Variants in CHEK1 observed in about 807,000 individuals in gnomAD.
The protein encoded by CHEK1 is serine/threonine-protein kinase Chk1.
Under a neutral mutation model 60.2 loss-of-function variants are expected in CHEK1, and 32 were observed. The ratio of observed to expected loss-of-function variants is 0.53; its 90% CI spans 0.40 to 0.71. The LOEUF (loss-of-function observed/expected upper bound fraction) is 0.71. CHEK1 is among the 30% of genes least tolerant of loss of function. The pLI is 0.00. For synonymous variants in CHEK1, 179 were observed against 187.2 expected (o/e 0.96, Z 0.36); for missense variants, 399 against 564.6 (o/e 0.71, Z 2.97).
downstream of CHEK1, among the ~76,000 whole-genome samples, chr11:125,657,726 C>T (rs1365775017): frequency 6.6e-6 from 1 of 152,076 alleles, no homozygotes; most frequent in African/African-American, 2.4e-5. Context: ...ACTAACTATT[C>T]TGCTGCTAAT....
rs1194524971 is a variant in CHEK1, at chr11:125,655,605, C to T, written c.*285C>T. 1 of 274,852 alleles carries T rather than the reference C, an allele frequency of 3.6e-6. No individual in the cohort carries two copies. The highest frequency in any genetic ancestry group is 5.5e-5 in the East Asian group (1 of 18,174). 17.0% of individuals were successfully genotyped at this position (274,852 alleles called of 1,614,324 possible). On this transcript the variant is annotated 3_prime_UTR_variant, in exon 13 of 13. Transcript: ENST00000438015. ...GAATTTGAAACTCATCTGGTGGAAA[C>T]CAAGTTTCAGGGGACATGAGTTTTC... is the stretch of plus-strand genomic sequence containing the variant.
downstream of CHEK1, chr11:125,677,900 G>A (rs524491): frequency 1.9e-5 from 31 of 1,613,650 alleles, no homozygotes; most frequent in East Asian, 5.1e-4. Context: ...GCTGTTCACC[G>A]GAGCCATGTT....
intron 1 of CHEK1, chr11:125,626,411 C>A: frequency 2.3e-6 from 1 of 434,748 alleles, no homozygotes; most frequent in Non-Finnish European, 4.1e-6. Flanking sequence ...TTCCTCTCTT[C>A]CCCAGACCCC....
downstream of CHEK1, chr11:125,680,988 G>T: frequency 2.0e-6 from 1 of 505,616 alleles, no homozygotes; most frequent in Non-Finnish European, 3.5e-6. Context: ...GCAACCCACT[G>T]CTTATTTCAC....
At chr11:125,645,668 T>C (rs1292696877) in intron 11 of CHEK1, among the ~76,000 whole-genome samples, 1 of 152,206 alleles carries the variant, frequency 6.6e-6, no homozygotes, top group Admixed American at 6.5e-5. Context: ...AGAATGCCCT[T>C]GTTCAAAGGA....
At chr11:125,667,764 G>T (rs960367215) in intron 13 of CHEK1, among the ~76,000 whole-genome samples, 16 of 152,074 alleles carry the variant, frequency 1.1e-4, no homozygotes, top group African/African-American at 3.4e-4. Context: ...GGAATTACAG[G>T]TGCATGCCAC....
chr11:125,680,042 A>G (rs1391184721), downstream of CHEK1, among the ~76,000 whole-genome samples: 3 of 152,246 alleles, frequency 2.0e-5, no homozygotes, highest in Admixed American at 6.5e-5. Flanking sequence ...GGCACATACT[A>G]TCACCTGGTG....
chr11:125,677,788 A>G (rs112296772), downstream of CHEK1: 22 of 1,612,944 alleles, frequency 1.4e-5, 1 homozygote, highest in African/African-American at 1.5e-4. Flanking sequence ...CCATCCAAAC[A>G]TGGCTCACCT....
intron 11 of CHEK1, among the ~76,000 whole-genome samples, chr11:125,649,207 A>G (rs1941615707): frequency 6.6e-6 from 1 of 152,056 alleles, no homozygotes; most frequent in South Asian, 2.1e-4. Flanking sequence ...ATGGAGTCTC[A>G]CTATGTTGCC....
intron 7 of CHEK1, among the ~76,000 whole-genome samples, chr11:125,636,397 C>A (rs1246264524): frequency 6.6e-6 from 1 of 152,030 alleles, no homozygotes; most frequent in Non-Finnish European, 1.5e-5. Flanking sequence ...TTCACAGATA[C>A]AAAAGAGATA....
At chr11:125,646,493 A>C (rs1285819856) in intron 11 of CHEK1, among the ~76,000 whole-genome samples, 1 of 152,172 alleles carries the variant, frequency 6.6e-6, no homozygotes, top group East Asian at 1.9e-4. Flanking sequence ...ATATGGAGGA[A>C]TAGAATTGTT....
At position 125,629,218 on chromosome 11, in the gene CHEK1, C is replaced by T. The variant is rs772371960; in HGVS notation, c.290-14C>T. ...TATATTTAGTCAATAAACTTACTTT[C>T]ATATTTGTTTTAGAGCCAGACATAG... On this transcript the variant is annotated splice_polypyrimidine_tract_variant and intron_variant, in intron 3 of 12. Coordinates refer to ENST00000438015, the MANE Select transcript of CHEK1 (RefSeq NM_001114122.3). The T allele has an allele frequency of 8.7e-5, 140 of 1,613,152 alleles. No homozygotes were observed. The highest frequency in any genetic ancestry group is 1.1e-4 in the Non-Finnish European group (132 of 1,179,262).
chr11:125,641,816 C>A (rs1480219029), intron 8 of CHEK1, among the ~76,000 whole-genome samples: 1 of 151,578 alleles, frequency 6.6e-6, no homozygotes, highest in Non-Finnish European at 1.5e-5. Context: ...TCTACTGTTA[C>A]CCTATCATTC....
In CHEK1 at chr11:125,630,886, A is replaced by G. The variant is rs183066780; in HGVS notation, c.424+1426A>G. Reference sequence around the variant, plus strand: ...CTGTCAACAATAAATTATGAAATGCATGGCTTTTCAAGCCATGTCACAAGC... The same window carrying G: ...CTGTCAACAATAAATTATGAAATGCGTGGCTTTTCAAGCCATGTCACAAGC... On this transcript the variant is annotated intron_variant, in intron 5 of 12. Transcript: ENST00000438015. Among the ~76,000 whole-genome samples, 410 of 152,216 alleles carry G rather than the reference A, an allele frequency of 2.7e-3. 1 individual carries two copies. Among genetic ancestry groups the G allele is most frequent in the African/African-American group, 8.9e-3 (370 of 41,528 alleles).
intron 13 of CHEK1, among the ~76,000 whole-genome samples, chr11:125,674,615 C>T (rs1942394014): frequency 6.6e-6 from 1 of 152,182 alleles, no homozygotes; most frequent in Non-Finnish European, 1.5e-5. Flanking sequence ...AGCCCTTTAA[C>T]AGGTTCTCTT....
At chr11:125,679,216 C>CTTTTTT (rs71045115), downstream of CHEK1, among the ~76,000 whole-genome samples, 162 of 120,962 alleles carry the variant, frequency 1.3e-3, no homozygotes, top group South Asian at 3.6e-3. Flanking sequence ...CCGTCTCTTT[C>CTTTTTT]TTTTTTTTTT....
chr11:125,666,921 G>T (rs548160326), intron 13 of CHEK1, among the ~76,000 whole-genome samples: 140 of 142,032 alleles, frequency 9.9e-4, no homozygotes, highest in African/African-American at 3.5e-3. Flanking sequence ...GTTGAATCTT[G>T]ATTTTTTTTT....
chr11:125,628,739 G>T (rs925522283), intron 3 of CHEK1, among the ~76,000 whole-genome samples: 1 of 152,006 alleles, frequency 6.6e-6, no homozygotes, highest in African/African-American at 2.4e-5. Flanking sequence ...ATGATCTCAC[G>T]CCAGGGCACT....
chr11:125,660,854 C>T (rs1941999745), downstream of CHEK1, among the ~76,000 whole-genome samples: 1 of 151,984 alleles, frequency 6.6e-6, no homozygotes, highest in Non-Finnish European at 1.5e-5. Flanking sequence ...TGGCTCACTG[C>T]AACCTCCGCC....
Sources: gnomAD v4.1 joint callset for allele counts (sites outside exome capture counted in the v4.1 genomes callset) on GRCh38, gnomAD v4.1.1 for gene constraint, MANE v1.5 for transcripts, NCBI Gene and HGNC (gene_info 2026-07-23, HGNC 2026-07-21) for gene names.